The following GRM7 variants were observed in gnomAD, a reference collection of about 807,000 sequenced individuals.
GRM7 encodes metabotropic glutamate receptor 7.
In GRM7, 35 loss-of-function variants were observed where a neutral mutation model predicts 84.5. The observed-to-expected ratio is 0.41, with a 90% CI of 0.32 to 0.55. The LOEUF is 0.55. Among genes scored for constraint, GRM7 ranks in the 20% least tolerant of loss-of-function variants. The pLI, the probability that GRM7 is intolerant of heterozygous loss-of-function variation, is 0.19. For missense variants in GRM7, 1,003 were observed against 1,194.6 expected (o/e 0.84, Z 2.36); for synonymous variants, 487 against 455.1 (o/e 1.07, Z -0.89).
At chr3:7,418,953 T>A (rs1224308374) in intron 5 of GRM7, among the ~76,000 whole-genome samples, 1 of 152,172 alleles carries the variant, frequency 6.6e-6, no homozygotes, top group Non-Finnish European at 1.5e-5. Context: ...CATTCAAAAT[T>A]GTTGAGTGGA....
Position 6,989,981 on chromosome 3 carries a change from G to C in GRM7, c.519+128074G>C, listed in dbSNP as rs1694572697. On this transcript the variant is annotated intron_variant, in intron 1 of 9. Coordinates refer to ENST00000357716, the MANE Select transcript of GRM7 (RefSeq NM_000844.4). Reference sequence around the variant, plus strand: ...TATCTTCAGGGCTCCTCTTTCCTCAGTTGCTCTGATTTTGTGACTTTCAAG... The same window carrying C: ...TATCTTCAGGGCTCCTCTTTCCTCACTTGCTCTGATTTTGTGACTTTCAAG... Among the ~76,000 whole-genome samples, 6 of 152,184 alleles carry C rather than the reference G, an allele frequency of 3.9e-5. No homozygotes were observed. In the South Asian group the frequency reaches 1.2e-3, roughly 31 times the overall value.
At chr3:7,531,695 A>T (rs559456988) in intron 7 of GRM7, among the ~76,000 whole-genome samples, 1 of 152,266 alleles carries the variant, frequency 6.6e-6, no homozygotes, top group South Asian at 2.1e-4. Context: ...AGCTTAAGTC[A>T]ATTTGGGGCT....
At chr3:7,203,252 A>G (rs1003400888) in intron 2 of GRM7, among the ~76,000 whole-genome samples, 1 of 152,100 alleles carries the variant, frequency 6.6e-6, no homozygotes. Context: ...CTATCATTCT[A>G]TTCTCTACGT....
At chr3:6,962,282 C>T (rs929861098) in intron 1 of GRM7, among the ~76,000 whole-genome samples, 4 of 151,910 alleles carry the variant, frequency 2.6e-5, no homozygotes, top group African/African-American at 9.7e-5. Flanking sequence ...AATTTTTTGT[C>T]GAATAAATGC....
intron 5 of GRM7, among the ~76,000 whole-genome samples, chr3:7,441,995 T>A (rs1697308083): frequency 6.7e-6 from 1 of 148,872 alleles, no homozygotes. Context: ...TTAGAATAGC[T>A]TTTTTTTTTC....
At chr3:7,069,766 T>A (rs1697795115) in intron 1 of GRM7, among the ~76,000 whole-genome samples, 1 of 151,756 alleles carries the variant, frequency 6.6e-6, no homozygotes, top group South Asian at 2.1e-4. Context: ...TGGGGAGGAG[T>A]AGTCAAAATA....
At chr3:7,062,791 G>T (rs186611988) in intron 1 of GRM7, among the ~76,000 whole-genome samples, 1 of 151,710 alleles carries the variant, frequency 6.6e-6, no homozygotes, top group African/African-American at 2.4e-5. Flanking sequence ...AAATTTGGGC[G>T]ATTCTGGCCA....
intron 7 of GRM7, among the ~76,000 whole-genome samples, chr3:7,549,663 A>C (rs1693348973): frequency 6.6e-6 from 1 of 152,222 alleles, no homozygotes; most frequent in Non-Finnish European, 1.5e-5. Context: ...AGATGCTGAA[A>C]AAGAAAATCC....
intron 7 of GRM7, among the ~76,000 whole-genome samples, chr3:7,517,236 AT>A (rs1354989081): frequency 6.6e-6 from 1 of 152,130 alleles, no homozygotes. Context: ...TTTTGTATTA[AT>A]TTCTTAGAAA....
intron 7 of GRM7, among the ~76,000 whole-genome samples, chr3:7,558,121 G>T (rs1250908609): frequency 4.6e-5 from 7 of 152,086 alleles, no homozygotes; most frequent in Non-Finnish European, 4.4e-5. Context: ...AATTTTCCAT[G>T]ATATATGACA....
chr3:7,439,404 A>G (rs530798653), intron 5 of GRM7, among the ~76,000 whole-genome samples: 76 of 152,148 alleles, frequency 5.0e-4, no homozygotes, highest in Non-Finnish European at 9.3e-4. Context: ...GCCTATGTGA[A>G]TTGCAGCTCA....
intron 2 of GRM7, among the ~76,000 whole-genome samples, chr3:7,243,498 G>C (rs1162958121): frequency 6.6e-6 from 1 of 152,062 alleles, no homozygotes; most frequent in Non-Finnish European, 1.5e-5. Context: ...AATAATGAGA[G>C]AGTTTTTATA....
rs371522148 is a variant in GRM7, at chr3:7,076,836, AC to A, written c.520-69615del. 2.0e-3 allele frequency among the ~76,000 whole-genome samples: 308 copies of A among 152,330 alleles called. 1 individual carries two copies. Among genetic ancestry groups the A allele is most frequent in the African/African-American group, 7.2e-3 (298 of 41,586 alleles). On this transcript the variant is annotated intron_variant, in intron 1 of 9. Coordinates refer to ENST00000357716, the MANE Select transcript of GRM7 (RefSeq NM_000844.4). ...AAAATTATTGCAATCTATCCATCTG[AC>A]AAAGGGCTACTATCCAGAATCTACA... is the stretch of plus-strand genomic sequence containing the variant.
At chr3:7,324,391 T>C (rs1200584334) in intron 4 of GRM7, among the ~76,000 whole-genome samples, 2 of 152,326 alleles carry the variant, frequency 1.3e-5, no homozygotes, top group East Asian at 3.9e-4. Flanking sequence ...GTCAATGAAT[T>C]CTGAATCTGG....
chr3:7,051,076 A>C (rs188643058), intron 1 of GRM7, among the ~76,000 whole-genome samples: 7 of 151,900 alleles, frequency 4.6e-5, no homozygotes, highest in Non-Finnish European at 7.4e-5. Context: ...ACACTCACAA[A>C]CATATTTTCT....
intron 1 of GRM7, among the ~76,000 whole-genome samples, chr3:7,084,398 A>C (rs6785633): frequency 0.21 from 31,846 of 152,028 alleles, 6,407 homozygotes; most frequent in African/African-American, 0.52. Flanking sequence ...ATGCTGATCA[A>C]AGTTTAAGAA....
intron 2 of GRM7, among the ~76,000 whole-genome samples, chr3:7,231,781 C>T (rs551871906): frequency 8.5e-5 from 13 of 152,260 alleles, no homozygotes; most frequent in Admixed American, 2.6e-4. Flanking sequence ...TGGGAAGAGG[C>T]AGAGCTGGGT....
chr3:7,129,452 T>C (rs1693517962), intron 1 of GRM7, among the ~76,000 whole-genome samples: 1 of 152,202 alleles, frequency 6.6e-6, no homozygotes, highest in African/African-American at 2.4e-5. Context: ...GGTGACAATA[T>C]ACTGGCTAAA....
chr3:7,432,473 A>G (rs1157887141), intron 5 of GRM7, among the ~76,000 whole-genome samples: 1 of 152,036 alleles, frequency 6.6e-6, no homozygotes, highest in African/African-American at 2.4e-5. Context: ...GGCATGTGCC[A>G]CCACGCCCTG....
Sources: allele counts gnomAD v4.1 joint callset (sites outside exome capture counted in the v4.1 genomes callset), GRCh38; gene constraint gnomAD v4.1.1; transcripts MANE v1.5; gene names NCBI Gene and HGNC (gene_info 2026-07-23, HGNC 2026-07-21).